EPB41L4A: variants seen among roughly 807,000 people sequenced by gnomAD.
EPB41L4A encodes the protein erythrocyte membrane protein band 4.1 like 4A.
Under a neutral mutation model 108.6 loss-of-function variants are expected in EPB41L4A, and 100 were observed. The observed-to-expected ratio is 0.92, with a 90% CI of 0.78 to 1.09. The LOEUF (loss-of-function observed/expected upper bound fraction) is 1.09. Ranked by LOEUF, EPB41L4A falls within the 50% of genes least tolerant of loss-of-function variation. EPB41L4A has a pLI of 0.00. For missense variants in EPB41L4A, 1,030 were observed against 842.7 expected (o/e 1.22, Z -2.75); for synonymous variants, 319 against 289.0 (o/e 1.10, Z -1.05).
intron 1 of EPB41L4A, among the ~76,000 whole-genome samples, chr5:112,368,257 G>A (rs1407041587): frequency 1.3e-5 from 2 of 151,954 alleles, no homozygotes; most frequent in South Asian, 2.1e-4. Flanking sequence ...CCCCTTACTT[G>A]TAAAATATTC....
At chr5:112,400,274 C>A (rs899988416) in intron 1 of EPB41L4A, among the ~76,000 whole-genome samples, 1 of 152,202 alleles carries the variant, frequency 6.6e-6, no homozygotes, top group Non-Finnish European at 1.5e-5. Flanking sequence ...ATGCGGAAAA[C>A]CGCCCCCATG....
intron 12 of EPB41L4A, chr5:112,146,113 A>C: frequency 2.7e-6 from 1 of 363,782 alleles, no homozygotes; most frequent in South Asian, 2.1e-5. Flanking sequence ...GGTCTTACAG[A>C]ATCGAGACCA....
intron 1 of EPB41L4A, among the ~76,000 whole-genome samples, chr5:112,368,405 T>C (rs1337581942): frequency 1.3e-5 from 2 of 152,078 alleles, no homozygotes; most frequent in Non-Finnish European, 2.9e-5. Context: ...GCCACCTTGG[T>C]CCCATTAGCT....
At chr5:112,266,436 T>C (rs1378677615) in intron 4 of EPB41L4A, 106 bp from the exon 5 acceptor site, 1 of 706,732 alleles carries the variant, frequency 1.4e-6, no homozygotes, top group Admixed American at 3.1e-5. Flanking sequence ...TCAATTAAAA[T>C]AAAGTCACCC....
intron 12 of EPB41L4A, among the ~76,000 whole-genome samples, chr5:112,222,300 T>G (rs1477219921): frequency 6.6e-6 from 1 of 152,206 alleles, no homozygotes; most frequent in Non-Finnish European, 1.5e-5. Context: ...CCATTTACTT[T>G]CCAAGCATGT....
At chr5:112,404,542 G>C (rs1481530938) in intron 1 of EPB41L4A, among the ~76,000 whole-genome samples, 4 of 152,156 alleles carry the variant, frequency 2.6e-5, no homozygotes, top group African/African-American at 9.7e-5. Context: ...GATAAACTAT[G>C]ACTGCAAAAC....
At chr5:112,315,123 G>A (rs1755348269) in intron 1 of EPB41L4A, among the ~76,000 whole-genome samples, 1 of 152,080 alleles carries the variant, frequency 6.6e-6, no homozygotes, top group Admixed American at 6.5e-5. Flanking sequence ...TCTATGTCAT[G>A]GTCAAAATCC....
At position 112,195,722 on chromosome 5, in the gene EPB41L4A, T is replaced by TG; in HGVS notation, c.1377-15dup. The TG allele has an allele frequency of 6.2e-7, 1 of 1,610,448 alleles. No individual in the cohort carries two copies. Among genetic ancestry groups the TG allele is most frequent in the Non-Finnish European group, 8.5e-7 (1 of 1,178,266 alleles). On this transcript the variant is annotated splice_polypyrimidine_tract_variant and intron_variant, in intron 15 of 22. Coordinates refer to ENST00000261486, the MANE Select transcript of EPB41L4A (RefSeq NM_022140.5). ...TTATGGGCTTTCCTGTGAAAACAAA[T>TG]GAAGACATTTAAGAAAACAGGAGAT...
chr5:112,157,359 G>C (rs1042124439), intron 12 of EPB41L4A, among the ~76,000 whole-genome samples: 1 of 152,190 alleles, frequency 6.6e-6, no homozygotes, highest in African/African-American at 2.4e-5. Context: ...AGAAAATCGA[G>C]ATGGGACAAG....
chr5:112,355,514 T>C (rs1758307828), intron 1 of EPB41L4A, among the ~76,000 whole-genome samples: 1 of 152,194 alleles, frequency 6.6e-6, no homozygotes. Flanking sequence ...ACAAGTTGAG[T>C]TTCACAGTTG....
intron 4 of EPB41L4A, among the ~76,000 whole-genome samples, chr5:112,271,307 T>C (rs1024650813): frequency 6.6e-6 from 1 of 152,210 alleles, no homozygotes; most frequent in Non-Finnish European, 1.5e-5. Context: ...TTTCCAAATG[T>C]TTTAATCAAT....
At chr5:112,267,939 T>C (rs1751979448) in intron 4 of EPB41L4A, among the ~76,000 whole-genome samples, 1 of 152,232 alleles carries the variant, frequency 6.6e-6, no homozygotes, top group Non-Finnish European at 1.5e-5. Flanking sequence ...TTCCATAATT[T>C]ACACACCTTT....
intron 9 of EPB41L4A, among the ~76,000 whole-genome samples, chr5:112,257,918 G>T (rs1200274824): frequency 6.6e-6 from 1 of 152,188 alleles, no homozygotes; most frequent in Admixed American, 6.5e-5. Flanking sequence ...CTTTTTGCAT[G>T]ATTTTAATTC....
intron 4 of EPB41L4A, among the ~76,000 whole-genome samples, chr5:112,267,869 T>A (rs951999324): frequency 2.0e-5 from 3 of 152,024 alleles, no homozygotes; most frequent in Admixed American, 6.6e-5. Context: ...TAAAACTGAC[T>A]TCTTCTTACT....
chr5:112,368,336 C>T (rs924419842), intron 1 of EPB41L4A, among the ~76,000 whole-genome samples: 5 of 152,080 alleles, frequency 3.3e-5, no homozygotes, highest in African/African-American at 7.2e-5. Context: ...GTATGTGTGA[C>T]GCCACTCCCT....
chr5:112,302,882 C>T (rs551086453), intron 2 of EPB41L4A, among the ~76,000 whole-genome samples: 55 of 152,262 alleles, frequency 3.6e-4, no homozygotes, highest in Admixed American at 2.2e-3. Flanking sequence ...GCTTCCAGGC[C>T]GTGGACTCTT....
chr5:112,194,630 A>C lies in EPB41L4A; in HGVS notation c.1440T>G (p.Cys480Trp), dbSNP rs1252071898. 3 of 1,605,506 alleles carry C rather than the reference A, an allele frequency of 1.9e-6. No individual in the cohort carries two copies. The highest frequency in any genetic ancestry group is 2.6e-6 in the Non-Finnish European group (3 of 1,176,242). The change falls in exon 17 of 23, where the codon TGT (cysteine) becomes TGG (tryptophan). Residue 480 changes from cysteine to tryptophan, a missense_variant. Cys to Trp is a radical substitution (Grantham distance 215). Transcript: ENST00000261486. ...CTGATTCACTACCACTGCTGGTGTT[A>C]CAGCGTGAACGTGACCTGAAGACAA... ...LKQRRRSRSR[C>W]NTSSGSESEN...
chr5:112,309,230 T>A (rs1458386636), intron 1 of EPB41L4A, among the ~76,000 whole-genome samples: 1 of 152,188 alleles, frequency 6.6e-6, no homozygotes, highest in Non-Finnish European at 1.5e-5. Context: ...ATTAAATGAA[T>A]CCCCAGTATT....
chr5:112,397,132 T>G (rs1055541651), intron 1 of EPB41L4A, among the ~76,000 whole-genome samples: 1 of 152,178 alleles, frequency 6.6e-6, no homozygotes, highest in Non-Finnish European at 1.5e-5. Context: ...TATTTCCATC[T>G]TTATGACTAT....
Sources: gnomAD v4.1 joint callset for allele counts (sites outside exome capture counted in the v4.1 genomes callset) on GRCh38, gnomAD v4.1.1 for gene constraint, MANE v1.5 for transcripts, NCBI Gene and HGNC (gene_info 2026-07-23, HGNC 2026-07-21) for gene names.